COL22A1: variants seen among roughly 807,000 people sequenced by gnomAD.
COL22A1 encodes the protein collagen type XXII alpha 1 chain.
In COL22A1, 221 loss-of-function variants were observed where a neutral mutation model predicts 248.9. The ratio of observed to expected loss-of-function variants is 0.89; its 90% CI spans 0.80 to 0.99. The LOEUF (loss-of-function observed/expected upper bound fraction) is 0.99. Among genes scored for constraint, COL22A1 ranks in the 50% least tolerant of loss-of-function variants. COL22A1 has a pLI of 0.00. For synonymous variants in COL22A1, 891 were observed against 793.4 expected, an observed-to-expected ratio of 1.12 and a Z score of -2.07; for missense variants, 2,240 against 2,179.0, an observed-to-expected ratio of 1.03 and a Z score of -0.56.
At chr8:138,780,798 T>A in intron 13 of COL22A1, 129 bp downstream of exon 13, 3 of 782,720 alleles carry the variant, frequency 3.8e-6, no homozygotes, top group Non-Finnish European at 2.3e-6. Context: ...GCGAGGATCC[T>A]AATATAAATA....
At chr8:138,760,364 G>A in intron 17 of COL22A1, 77 bp from the exon 18 acceptor site, 1 of 1,353,808 alleles carries the variant, frequency 7.4e-7, no homozygotes. Context: ...GAAACAGGTT[G>A]AAAGACAGCT....
At chr8:138,692,055 TGCGC>T (rs796388728) in intron 35 of COL22A1, among the ~76,000 whole-genome samples, 5 of 145,836 alleles carry the variant, frequency 3.4e-5, no homozygotes, top group African/African-American at 1.3e-4. Flanking sequence ...GGTGTGTGTG[TGCGC>T]GCACGTTTGT....
At chr8:138,816,687 G>A (rs916388047) in intron 7 of COL22A1, among the ~76,000 whole-genome samples, 3 of 152,170 alleles carry the variant, frequency 2.0e-5, no homozygotes, top group South Asian at 2.1e-4. Flanking sequence ...GGGCTGTGGT[G>A]GGAACCAAGG....
chr8:138,628,485 A>C (rs1820434045), intron 50 of COL22A1, among the ~76,000 whole-genome samples: 1 of 152,178 alleles, frequency 6.6e-6, no homozygotes, highest in Non-Finnish European at 1.5e-5. Flanking sequence ...GCAGTGAGCC[A>C]AGATCGTGCC....
At chr8:138,903,485 A>C (rs1056202391) in intron 1 of COL22A1, among the ~76,000 whole-genome samples, 1 of 151,758 alleles carries the variant, frequency 6.6e-6, no homozygotes, top group Non-Finnish European at 1.5e-5. Context: ...ATGGGCTTTA[A>C]GTGGAGTTGG....
At chr8:138,768,714 G>A (rs1341682630) in intron 16 of COL22A1, among the ~76,000 whole-genome samples, 1 of 152,134 alleles carries the variant, frequency 6.6e-6, no homozygotes, top group Non-Finnish European at 1.5e-5. Context: ...GAGGCAGGCA[G>A]ATCAAGAGGT....
rs35173710 is a variant in COL22A1 at position 138,809,066 on chromosome 8, AT to A, written c.1450-1255del. Among the ~76,000 whole-genome samples the A allele has an allele frequency of 7.8e-3, 1,165 of 149,264 alleles. 23 individuals carry two copies. Among genetic ancestry groups the A allele is most frequent in the African/African-American group, 0.022 (913 of 40,844 alleles). ...AGACTTCCTAGGCCCCCTGTGTTGT[AT>A]TTTTTTTTTTTTATTGAAACGAAGA... On this transcript the variant is annotated intron_variant, in intron 9 of 64. Coordinates refer to ENST00000303045, the MANE Select transcript of COL22A1 (RefSeq NM_152888.3).
chr8:138,779,819 T>C (rs994723105), intron 13 of COL22A1, among the ~76,000 whole-genome samples: 2 of 152,188 alleles, frequency 1.3e-5, no homozygotes, highest in African/African-American at 4.8e-5. Flanking sequence ...TGGAGTGCAA[T>C]GGCACGATCA....
chr8:138,714,583 C>T (rs1829289595), intron 30 of COL22A1, among the ~76,000 whole-genome samples: 2 of 152,190 alleles, frequency 1.3e-5, no homozygotes, highest in African/African-American at 4.8e-5. Context: ...TCTTCCTAGT[C>T]CTGGAGGGTA....
chr8:138,610,181 G>A (rs920871828), intron 56 of COL22A1, among the ~76,000 whole-genome samples: 1 of 152,122 alleles, frequency 6.6e-6, no homozygotes, highest in African/African-American at 2.4e-5. Context: ...CCGTGAATGC[G>A]GACAGAAATC....
chr8:138,615,903 GCTGCCAC>G, intron 55 of COL22A1, 91 bp downstream of exon 55: 3 of 856,546 alleles, frequency 3.5e-6, no homozygotes, highest in Non-Finnish European at 5.8e-6. Context: ...TCTTGGCAGT[GCTGCCAC>G]CAGCCATTGT....
chr8:138,780,894 C>T, intron 13 of COL22A1, 33 bp downstream of exon 13: 2 of 1,598,218 alleles, frequency 1.3e-6, no homozygotes, highest in Non-Finnish European at 8.6e-7. Flanking sequence ...CTAGTACTGC[C>T]TTGTGAGCCA....
chr8:138,755,248 T>C, intron 20 of COL22A1, 38 bp from the exon 21 acceptor site: 2 of 1,603,854 alleles, frequency 1.2e-6, no homozygotes, highest in Non-Finnish European at 1.7e-6. Flanking sequence ...AGTCATGACT[T>C]TTCCCCCATA....
At chr8:138,818,246 CAGT>C (rs1257426502) in intron 7 of COL22A1, among the ~76,000 whole-genome samples, 1 of 152,158 alleles carries the variant, frequency 6.6e-6, no homozygotes, top group Admixed American at 6.5e-5. Context: ...CAGGGGCTGA[CAGT>C]AGAACCATGG....
intron 60 of COL22A1, among the ~76,000 whole-genome samples, chr8:138,600,166 C>G (rs1400056550): frequency 6.6e-6 from 1 of 152,222 alleles, no homozygotes; most frequent in Non-Finnish European, 1.5e-5. Context: ...CAGTCCAGTC[C>G]TCTGCCTTTA....
rs1815633662 is a variant in COL22A1 at position 138,913,949 on chromosome 8, G to A, written c.-403C>T. The A allele has an allele frequency of 6.5e-6, 1 of 152,958 alleles. No homozygotes were observed. The highest frequency in any genetic ancestry group is 6.5e-5 in the Admixed American group (1 of 15,298). 9.5% of individuals were successfully genotyped at this position (152,958 alleles called of 1,614,324 possible). A position where few individuals can be genotyped will look rare whatever the true frequency, so the allele number is the denominator to read the frequency against. On this transcript the variant is annotated 5_prime_UTR_variant, in exon 1 of 65. Coordinates refer to ENST00000303045, the MANE Select transcript of COL22A1 (RefSeq NM_152888.3). The stretch of plus-strand genomic sequence containing the variant: ...GAAACAGAAGAACAGGGAAAGCGGA[G>A]AAGACACTTCCTTGGGGAGAAACGC...
At chr8:138,751,102 G>T in intron 22 of COL22A1, among the ~76,000 whole-genome samples, 2 of 152,192 alleles carry the variant, frequency 1.3e-5, no homozygotes, top group East Asian at 3.9e-4. Flanking sequence ...CATGAGATAT[G>T]ATATTCAATA....
At chr8:138,856,477 GGAGACAGAGAGAGCGAGA>G (rs1326389908) in intron 3 of COL22A1, among the ~76,000 whole-genome samples, 3 of 151,420 alleles carry the variant, frequency 2.0e-5, no homozygotes, top group African/African-American at 7.3e-5. Flanking sequence ...AGAGAAAGAG[GGAGACAGAGAGAGCGAGA>G]GAGACAGAGA....
intron 3 of COL22A1, among the ~76,000 whole-genome samples, chr8:138,849,295 G>A (rs889905414): frequency 2.0e-5 from 3 of 152,228 alleles, no homozygotes; most frequent in African/African-American, 7.2e-5. Flanking sequence ...ATAAGCAGCA[G>A]ACACATGTAG....
Sources: allele counts gnomAD v4.1 joint callset (sites outside exome capture counted in the v4.1 genomes callset), GRCh38; gene constraint gnomAD v4.1.1; transcripts MANE v1.5; gene names NCBI Gene and HGNC (gene_info 2026-07-23, HGNC 2026-07-21).